The following DNAH12 variants were observed in gnomAD, a reference collection of about 807,000 sequenced individuals.
The protein encoded by DNAH12 is axonemal beta dynein heavy chain 12.
A neutral mutation model predicts 371.5 loss-of-function variants in DNAH12; 285 were observed. That is an observed-to-expected ratio of 0.77 (90% confidence interval 0.70 to 0.85). The LOEUF (loss-of-function observed/expected upper bound fraction) is 0.85. DNAH12 is among the 40% of genes least tolerant of loss of function. DNAH12 has a pLI of 0.00. For synonymous variants in DNAH12, 1,200 were observed against 1,213.0 expected (o/e 0.99, Z 0.22); for missense variants, 3,611 against 3,689.4 (o/e 0.98, Z 0.55).
At chr3:57,448,226 T>C (rs1022768913) in intron 25 of DNAH12, among the ~76,000 whole-genome samples, 4 of 152,214 alleles carry the variant, frequency 2.6e-5, no homozygotes, top group Non-Finnish European at 5.9e-5. Flanking sequence ...TTGTTCCTTC[T>C]GATGGTCGGA....
chr3:57,415,495 GT>G lies in DNAH12; in HGVS notation c.5783del (p.His1928ProfsTer48), dbSNP rs1200753063. On this transcript the variant is annotated frameshift_variant, in exon 38 of 74. Coordinates refer to ENST00000495027, the MANE Select transcript of DNAH12 (RefSeq NM_001366028.2). LOFTEE classifies it high-confidence loss of function. ...SVYVKDKLMN[H>X]LEKDQYFPFY... ...AAGGAAAGTACTGGTCCTTTTCCAA[GT>G]GATTCATTAGCTTATCCTTCACATA... is the stretch of plus-strand genomic sequence containing the variant. The G allele has an allele frequency of 6.4e-7, 1 of 1,551,078 alleles. No homozygotes were observed. The highest frequency in any genetic ancestry group is 8.7e-7 in the Non-Finnish European group (1 of 1,146,918).
chr3:57,452,836 T>C lies in DNAH12; in HGVS notation c.3786+7A>G. 2.6e-6 allele frequency: 4 copies of C among 1,531,576 alleles called. No individual in the cohort carries two copies. Among genetic ancestry groups the C allele is most frequent in the Non-Finnish European group, 3.5e-6 (4 of 1,140,770 alleles). The allele number at this position is 1,531,576 out of a possible 1,614,324, so 94.9% of individuals were successfully genotyped here. On this transcript the variant is annotated splice_region_variant and intron_variant, in intron 25 of 73. Transcript: ENST00000495027. ...AATGTGTGAATTAAGATAATTTAAA[T>C]GCATACCAATGTTCTGTAACACCTG... is the stretch of plus-strand genomic sequence containing the variant.
intron 49 of DNAH12, among the ~76,000 whole-genome samples, chr3:57,382,943 T>C (rs1342531317): frequency 1.3e-5 from 2 of 152,226 alleles, no homozygotes; most frequent in African/African-American, 4.8e-5. Flanking sequence ...ATCTTAGTTT[T>C]TCATGCAATT....
At chr3:57,369,462 C>G (rs2063125709) in intron 55 of DNAH12, among the ~76,000 whole-genome samples, 1 of 151,114 alleles carries the variant, frequency 6.6e-6, no homozygotes, top group Non-Finnish European at 1.5e-5. Flanking sequence ...GCTAAAATCC[C>G]CTTTCCCTAT....
Position 57,391,357 on chromosome 3 carries a change from C to CTTCA in DNAH12, c.7305+511_7305+514dup, listed in dbSNP as rs1392174224. 2.6e-5 allele frequency among the ~76,000 whole-genome samples: 4 copies of CTTCA among 152,084 alleles called. No homozygotes were observed. In the East Asian group the frequency reaches 7.7e-4, roughly 29 times the overall value. ...GCTAAGACATTATTTTTTTTCCTCC[C>CTTCA]TTCAGCCTTGGACTGAATTGGCTCT... On this transcript the variant is annotated intron_variant, in intron 45 of 73. Coordinates refer to ENST00000495027, the MANE Select transcript of DNAH12 (RefSeq NM_001366028.2).
intron 40 of DNAH12, among the ~76,000 whole-genome samples, chr3:57,406,590 TTAAA>T (rs1194277032): frequency 1.5e-3 from 200 of 137,694 alleles, no homozygotes; most frequent in Admixed American, 2.7e-3. Context: ...TAATCTGAGG[TTAAA>T]TAGTGAAAAA....
intron 50 of DNAH12, among the ~76,000 whole-genome samples, chr3:57,381,236 GGTGTGTGT>G (rs1335752008): frequency 2.0e-5 from 3 of 149,236 alleles, no homozygotes; most frequent in African/African-American, 7.4e-5. Flanking sequence ...CTGATAGGGA[GGTGTGTGT>G]GTGTGTGTGT....
intron 38 of DNAH12, 36 bp downstream of exon 38, chr3:57,415,390 T>G (rs73074544): frequency 0.019 from 28,553 of 1,537,800 alleles, 336 homozygotes; most frequent in South Asian, 0.048. Flanking sequence ...GACAAAAAAA[T>G]TAACGATAGA....
At chr3:57,302,207 C>T (rs1196239989) in intron 69 of DNAH12, among the ~76,000 whole-genome samples, 1 of 151,844 alleles carries the variant, frequency 6.6e-6, no homozygotes, top group Non-Finnish European at 1.5e-5. Flanking sequence ...TTGCTTAGGA[C>T]CTGGCTAATT....
At chr3:57,306,548 C>G (rs2061475309) in intron 69 of DNAH12, among the ~76,000 whole-genome samples, 1 of 152,130 alleles carries the variant, frequency 6.6e-6, no homozygotes. Context: ...TTCACATCCT[C>G]CCCTTGTATC....
In DNAH12 at chr3:57,293,735, G is replaced by GTTTT; in HGVS notation, c.*42_*45dup. ...AATGTATATATTTTAAGTAGGACAGGTTTTTTTTTTTTTAAACTTTTGGAT... is the reference window on the plus strand; with the variant it reads ...AATGTATATATTTTAAGTAGGACAGGTTTTTTTTTTTTTTTTTAAACTTTTGGAT... On this transcript the variant is annotated 3_prime_UTR_variant, in exon 74 of 74. Transcript: ENST00000495027. The GTTTT allele has an allele frequency of 8.9e-7, 1 of 1,117,810 alleles. No homozygotes were observed. The highest frequency in any genetic ancestry group is 1.2e-6 in the Non-Finnish European group (1 of 814,812). The allele number at this position is 1,117,810 out of a possible 1,614,324, so 69.2% of individuals were successfully genotyped here.
At chr3:57,402,902 G>T (rs187457721) in intron 43 of DNAH12, among the ~76,000 whole-genome samples, 1 of 152,272 alleles carries the variant, frequency 6.6e-6, no homozygotes, top group East Asian at 1.9e-4. Context: ...TTCATTTTAT[G>T]CATGTATCAA....
Position 57,405,836 on chromosome 3 carries a change from G to A in DNAH12, c.6393C>T (p.Ala2131=), listed in dbSNP as rs781924309. ...GGATCATAGTGTGTTTGTTCGCCAC[G>A]GCGTCTCTTTCAATGAGTAAACAGC... ...IRGCLLIERD[A]VANKHTMIRL... Residue 2131 remains alanine, a synonymous_variant, in exon 41 of 74, where the codon GCC becomes GCT. Coordinates refer to ENST00000495027, the MANE Select transcript of DNAH12 (RefSeq NM_001366028.2). The A allele has an allele frequency of 1.5e-5, 24 of 1,551,554 alleles. No individual in the cohort carries two copies. Among genetic ancestry groups the A allele is most frequent in the South Asian group, 7.1e-5 (6 of 84,064 alleles).
At position 57,471,502 on chromosome 3, in the gene DNAH12, T is replaced by C; in HGVS notation, c.1881A>G (p.Thr627=). ...GCATGCGCTCCAGCTCTGCAAATTC[T>C]GTAAACTCCTCCATGCGGCGTGATT... ...EKESRRMEEF[T]EFAELERMQQ... Residue 627 remains threonine (T), a synonymous_variant, in exon 15 of 74, where the codon ACA becomes ACG. Transcript: ENST00000495027. The C allele has an allele frequency of 6.5e-7, 1 of 1,548,322 alleles. No homozygotes were observed. The highest frequency in any genetic ancestry group is 8.7e-7 in the Non-Finnish European group (1 of 1,146,454).
intron 43 of DNAH12, among the ~76,000 whole-genome samples, chr3:57,401,754 A>G (rs917897211): frequency 3.4e-5 from 5 of 144,974 alleles, no homozygotes; most frequent in South Asian, 4.4e-4. Context: ...ACAAAAAAAA[A>G]GAGAGAGAGA....
At chr3:57,401,254 A>G (rs1286338786) in intron 43 of DNAH12, among the ~76,000 whole-genome samples, 1 of 152,034 alleles carries the variant, frequency 6.6e-6, no homozygotes, top group Non-Finnish European at 1.5e-5. Context: ...AAATACATAT[A>G]TTGAAAAAGA....
At chr3:57,519,275 TC>T (rs1559745291) in intron 4 of DNAH12, among the ~76,000 whole-genome samples, 1 of 152,202 alleles carries the variant, frequency 6.6e-6, no homozygotes, top group Non-Finnish European at 1.5e-5. Flanking sequence ...ACCATAACAT[TC>T]TTTTTTAACT....
chr3:57,412,515 G>A (rs1553683355), intron 39 of DNAH12, among the ~76,000 whole-genome samples: 1 of 152,046 alleles, frequency 6.6e-6, no homozygotes, highest in Non-Finnish European at 1.5e-5. Context: ...GGCCTGACTT[G>A]GAGAAAATAA....
intron 65 of DNAH12, among the ~76,000 whole-genome samples, chr3:57,316,004 G>A (rs879054745): frequency 6.6e-6 from 1 of 152,114 alleles, no homozygotes; most frequent in African/African-American, 2.4e-5. Flanking sequence ...GATATGGACC[G>A]AAGAGCTGTG....
Sources: allele counts gnomAD v4.1 joint callset (sites outside exome capture counted in the v4.1 genomes callset), GRCh38; gene constraint gnomAD v4.1.1; transcripts MANE v1.5; gene names NCBI Gene and HGNC (gene_info 2026-07-23, HGNC 2026-07-21).